ITPR2: variants seen among roughly 807,000 people sequenced by gnomAD.
ITPR2 encodes the protein inositol 1,4,5-trisphosphate-gated calcium channel ITPR2.
In ITPR2, 207 loss-of-function variants were observed where a neutral mutation model predicts 317.1. That is an observed-to-expected ratio of 0.65 (90% CI 0.58 to 0.73). ITPR2 has a LOEUF of 0.73. Ranked by LOEUF, ITPR2 falls within the 30% of genes least tolerant of loss-of-function variation. ITPR2 has a pLI of 0.00. For synonymous variants in ITPR2, 1,156 were observed against 1,149.1 expected (o/e 1.01, Z -0.12); for missense variants, 2,613 against 3,284.0 (o/e 0.80, Z 4.99).
intron 5 of ITPR2, among the ~76,000 whole-genome samples, chr12:26,721,863 C>T (rs1948845832): frequency 6.6e-6 from 1 of 152,122 alleles, no homozygotes; most frequent in Admixed American, 6.6e-5. Flanking sequence ...GATTCTCCTG[C>T]CTCAGTGCCC....
At chr12:26,390,330 A>G (rs1162230609) in intron 54 of ITPR2, among the ~76,000 whole-genome samples, 1 of 152,238 alleles carries the variant, frequency 6.6e-6, no homozygotes, top group Non-Finnish European at 1.5e-5. Context: ...AGCATTATTC[A>G]TAATAGCTAA....
At chr12:26,421,116 T>C (rs551427797) in intron 49 of ITPR2, 34 of 152,146 alleles carry the variant, frequency 2.2e-4, no homozygotes, top group Non-Finnish European at 4.0e-4. Context: ...CTCCATATAC[T>C]GAGGAAAAAA....
intron 55 of ITPR2, among the ~76,000 whole-genome samples, chr12:26,359,292 C>T (rs1938745604): frequency 6.6e-6 from 1 of 152,158 alleles, no homozygotes. Context: ...TGACCTGTCC[C>T]GTGCTGGAAA....
rs374165914 is a variant in ITPR2 at position 26,655,764 on chromosome 12, C to T, written c.2533G>A (p.Val845Ile). Residue 845 changes from valine to isoleucine, a missense_variant, in exon 20 of 57, where the codon GTT becomes ATT. This residue lies in a region of ITPR2 where 817 missense variants were observed against 897.6 expected (regional missense o/e 0.91). Coordinates refer to ENST00000381340, the MANE Select transcript of ITPR2 (RefSeq NM_002223.4). The stretch of plus-strand genomic sequence containing the variant: ...CCAAAAGGAAAGGGCTGGTTTACAA[C>T]TTCTTTCAAATATTCTTCAACAAAT... ...MEFVEEYLKE[V>I]VNQPFPFGDK... The T allele has an allele frequency of 2.4e-5, 38 of 1,613,050 alleles. No homozygotes were observed. In the African/African-American group the frequency reaches 4.7e-4, roughly 20 times the overall value.
At chr12:26,505,718 T>C (rs1482684535) in intron 37 of ITPR2, among the ~76,000 whole-genome samples, 1 of 152,162 alleles carries the variant, frequency 6.6e-6, no homozygotes, top group Non-Finnish European at 1.5e-5. Context: ...TGGCTGACCA[T>C]TGATTCCAAC....
chr12:26,809,938 A>C (rs1950705296), intron 1 of ITPR2, among the ~76,000 whole-genome samples: 1 of 152,340 alleles, frequency 6.6e-6, no homozygotes, highest in South Asian at 2.1e-4. Flanking sequence ...TATAAATTAC[A>C]TGGAAAAATA....
intron 21 of ITPR2, among the ~76,000 whole-genome samples, chr12:26,636,063 T>C (rs1438973457): frequency 6.6e-6 from 1 of 152,234 alleles, no homozygotes; most frequent in Non-Finnish European, 1.5e-5. Flanking sequence ...GAAAGCTGGA[T>C]AGCTAGTTCT....
At chr12:26,811,331 T>C (rs1184663878) in intron 1 of ITPR2, among the ~76,000 whole-genome samples, 1 of 152,202 alleles carries the variant, frequency 6.6e-6, no homozygotes, top group Non-Finnish European at 1.5e-5. Flanking sequence ...TATAGAAACC[T>C]AGGGCCTGGT....
At chr12:26,542,595 G>A (rs1041135348) in intron 37 of ITPR2, among the ~76,000 whole-genome samples, 4 of 152,186 alleles carry the variant, frequency 2.6e-5, no homozygotes, top group South Asian at 2.1e-4. Context: ...AATGTCACAC[G>A]GTAAGCTCTT....
At position 26,580,163 on chromosome 12, in the gene ITPR2, G is replaced by A. The variant is rs756802555; in HGVS notation, c.4381-8C>T. On this transcript the variant is annotated splice_region_variant and splice_polypyrimidine_tract_variant and intron_variant, in intron 32 of 56. Transcript: ENST00000381340. ...TGTAGTTGTGTTGCAAACCTGGAGA[G>A]AAAATAAAACAACTCAATATGTTTT... 5 of 1,607,112 alleles carry A rather than the reference G, an allele frequency of 3.1e-6. No homozygotes were observed. In the East Asian group the frequency reaches 1.1e-4, roughly 36 times the overall value.
chr12:26,484,814 C>A (rs1942629179), intron 41 of ITPR2, among the ~76,000 whole-genome samples: 1 of 152,116 alleles, frequency 6.6e-6, no homozygotes, highest in Admixed American at 6.5e-5. Context: ...CGGGTTCACG[C>A]CATTCTCCTG....
intron 26 of ITPR2, among the ~76,000 whole-genome samples, chr12:26,616,906 T>C (rs946015055): frequency 4.6e-5 from 7 of 151,708 alleles, no homozygotes; most frequent in Admixed American, 3.3e-4. Context: ...TAATAGAGAG[T>C]AAATATATTT....
In ITPR2 at chr12:26,439,221, T is replaced by C. The variant is rs757180588; in HGVS notation, c.6549A>G (p.Thr2183=). The C allele has an allele frequency of 6.2e-7, 1 of 1,612,544 alleles. No homozygotes were observed. Among genetic ancestry groups the C allele is most frequent in the Non-Finnish European group, 8.5e-7 (1 of 1,178,716 alleles). ...TRESKCRVFN[T]TERDEQGSKV... The stretch of plus-strand genomic sequence containing the variant: ...TACTTCCTTGTTCATCCCTTTCAGT[T>C]GTATTGAACACACGGCACTTGGATT... Residue 2183 remains threonine (T), a synonymous_variant, in exon 47 of 57, where the codon ACA becomes ACG. Coordinates refer to ENST00000381340, the MANE Select transcript of ITPR2 (RefSeq NM_002223.4).
chr12:26,577,703 C>G (rs926346203), intron 34 of ITPR2, among the ~76,000 whole-genome samples: 3 of 152,022 alleles, frequency 2.0e-5, no homozygotes, highest in Non-Finnish European at 4.4e-5. Flanking sequence ...GTATTCAAAT[C>G]AAAATCAGGG....
At chr12:26,754,277 T>C (rs950530510) in intron 2 of ITPR2, among the ~76,000 whole-genome samples, 2 of 152,214 alleles carry the variant, frequency 1.3e-5, no homozygotes, top group Non-Finnish European at 2.9e-5. Context: ...ACTGCTTCTT[T>C]GACTTTTGAA....
chr12:26,732,623 G>A (rs896014859), intron 2 of ITPR2, among the ~76,000 whole-genome samples: 2 of 152,186 alleles, frequency 1.3e-5, no homozygotes, highest in South Asian at 2.1e-4. Flanking sequence ...TTACAGAGAA[G>A]GAAACTGAGA....
chr12:26,430,418 C>A (rs7310244), intron 48 of ITPR2, among the ~76,000 whole-genome samples: 1 of 152,154 alleles, frequency 6.6e-6, no homozygotes, highest in African/African-American at 2.4e-5. Flanking sequence ...TGCCTGCCAC[C>A]ACGTCTGGCT....
At chr12:26,751,469 G>A (rs952576346) in intron 2 of ITPR2, among the ~76,000 whole-genome samples, 1 of 152,058 alleles carries the variant, frequency 6.6e-6, no homozygotes, top group African/African-American at 2.4e-5. Context: ...CAGGTCAGGG[G>A]GAACGAGATC....
intron 1 of ITPR2, among the ~76,000 whole-genome samples, chr12:26,823,768 A>T (rs1477046567): frequency 6.6e-6 from 1 of 152,200 alleles, no homozygotes; most frequent in Non-Finnish European, 1.5e-5. Flanking sequence ...TATTGATTTG[A>T]ATTTTGAGAG....
Sources: allele counts gnomAD v4.1 joint callset (sites outside exome capture counted in the v4.1 genomes callset), GRCh38; gene constraint gnomAD v4.1.1; regional missense constraint gnomAD v4.1.1; transcripts MANE v1.5; gene names NCBI Gene and HGNC (gene_info 2026-07-23, HGNC 2026-07-21).